The following ADAMTS12 variants were observed in gnomAD, a reference collection of about 807,000 sequenced individuals.
ADAMTS12 encodes A disintegrin and metalloproteinase with thrombospondin motifs 12.
A neutral mutation model predicts 167.8 loss-of-function variants in ADAMTS12; 118 were observed. That is an observed-to-expected ratio of 0.70 (90% CI 0.61 to 0.82). The LOEUF (loss-of-function observed/expected upper bound fraction) is 0.82. Among genes scored for constraint, ADAMTS12 ranks in the 40% least tolerant of loss-of-function variants. ADAMTS12 has a pLI of 0.00. For synonymous variants in ADAMTS12, 704 were observed against 716.9 expected, an observed-to-expected ratio of 0.98 and a Z score of 0.29; for missense variants, 1,916 against 1,998.8, an observed-to-expected ratio of 0.96 and a Z score of 0.79.
At chr5:33,884,894 A>T (rs565295286) in intron 1 of ADAMTS12, among the ~76,000 whole-genome samples, 1 of 152,294 alleles carries the variant, frequency 6.6e-6, no homozygotes, top group South Asian at 2.1e-4. Context: ...CTAGCAGATT[A>T]TTTTTTCCAA....
At chr5:33,641,649 TC>T (rs1325297491) in intron 11 of ADAMTS12, among the ~76,000 whole-genome samples, 160 bp downstream of exon 11, 3 of 152,286 alleles carry the variant, frequency 2.0e-5, no homozygotes, top group East Asian at 3.9e-4. Flanking sequence ...CCACTTTTTT[TC>T]CCCACTCTCT....
intron 5 of ADAMTS12, among the ~76,000 whole-genome samples, chr5:33,676,281 GT>G (rs1210821674): frequency 1.3e-5 from 2 of 152,098 alleles, no homozygotes; most frequent in African/African-American, 2.4e-5. Context: ...AGAAAATCTT[GT>G]ATTGATTTCT....
chr5:33,879,827 G>C (rs1020299905), intron 2 of ADAMTS12, among the ~76,000 whole-genome samples: 1 of 152,152 alleles, frequency 6.6e-6, no homozygotes, highest in Non-Finnish European at 1.5e-5. Flanking sequence ...AAGATAAACA[G>C]AGCCCTAAAT....
At chr5:33,839,421 T>C (rs59734427) in intron 2 of ADAMTS12, among the ~76,000 whole-genome samples, 2,686 of 152,350 alleles carry the variant, frequency 0.018, 81 homozygotes, top group African/African-American at 0.061. Context: ...AGTCATTTTA[T>C]TGTCACGCTA....
At chr5:33,556,925 G>A (rs557298511) in intron 20 of ADAMTS12, among the ~76,000 whole-genome samples, 1 of 152,322 alleles carries the variant, frequency 6.6e-6, no homozygotes, top group South Asian at 2.1e-4. Context: ...TCTTTCACCA[G>A]CCTGTGGCCC....
intron 7 of ADAMTS12, among the ~76,000 whole-genome samples, chr5:33,657,768 A>G (rs1403758577): frequency 6.6e-6 from 1 of 152,216 alleles, no homozygotes; most frequent in Non-Finnish European, 1.5e-5. Context: ...CAATGATGCA[A>G]TGAAAAGCAC....
chr5:33,797,011 T>A (rs1157559646), intron 2 of ADAMTS12, among the ~76,000 whole-genome samples: 1 of 152,146 alleles, frequency 6.6e-6, no homozygotes, highest in African/African-American at 2.4e-5. Context: ...ATGTCCAAAT[T>A]GAAAGGCAAA....
intron 9 of ADAMTS12, among the ~76,000 whole-genome samples, chr5:33,648,080 T>C (rs1740743423): frequency 6.6e-6 from 1 of 152,234 alleles, no homozygotes; most frequent in East Asian, 1.9e-4. Flanking sequence ...ATGTGTGTGT[T>C]AACACAGATA....
In ADAMTS12 at chr5:33,697,465, C is replaced by T. The variant is rs527357452; in HGVS notation, c.635-13410G>A. Among the ~76,000 whole-genome samples, 9 of 152,306 alleles carry T rather than the reference C, an allele frequency of 5.9e-5. No individual in the cohort carries two copies. In the South Asian group the frequency reaches 1.7e-3, roughly 28 times the overall value. On this transcript the variant is annotated intron_variant, in intron 3 of 23. Coordinates refer to ENST00000504830, the MANE Select transcript of ADAMTS12 (RefSeq NM_030955.4). ...AAGCAACTTTACTGCCATTAAGGGACTCATTATCTAGAGAAACAGATTGTG... is the reference window on the plus strand; with the variant it reads ...AAGCAACTTTACTGCCATTAAGGGATTCATTATCTAGAGAAACAGATTGTG...
chr5:33,749,084 A>G (rs989749982), intron 3 of ADAMTS12, among the ~76,000 whole-genome samples: 3 of 152,172 alleles, frequency 2.0e-5, no homozygotes, highest in Non-Finnish European at 4.4e-5. Context: ...AGTGACATAT[A>G]TATTAGACAC....
chr5:33,544,068 A>T (rs1413085960), intron 22 of ADAMTS12, among the ~76,000 whole-genome samples: 2 of 152,232 alleles, frequency 1.3e-5, no homozygotes, highest in African/African-American at 4.8e-5. Flanking sequence ...GAGTAAGTCA[A>T]ATTGTCCCTG....
intron 22 of ADAMTS12, among the ~76,000 whole-genome samples, chr5:33,535,853 T>C (rs1744375463): frequency 6.6e-6 from 1 of 151,748 alleles, no homozygotes; most frequent in African/African-American, 2.4e-5. Context: ...GAATGTGGAA[T>C]GGGGGTAGGG....
intron 2 of ADAMTS12, chr5:33,880,856 C>A: frequency 2.3e-6 from 1 of 438,842 alleles, no homozygotes; most frequent in Non-Finnish European, 4.0e-6. Context: ...CTTCTTCCCC[C>A]TCCAACCCCA....
At chr5:33,834,564 G>A (rs1748435356) in intron 2 of ADAMTS12, among the ~76,000 whole-genome samples, 2 of 152,122 alleles carry the variant, frequency 1.3e-5, no homozygotes, top group African/African-American at 4.8e-5. Flanking sequence ...TGAACTCTTA[G>A]CTTGCATTCC....
intron 2 of ADAMTS12, among the ~76,000 whole-genome samples, chr5:33,829,315 C>T (rs1748210387): frequency 6.6e-6 from 1 of 152,176 alleles, no homozygotes; most frequent in Non-Finnish European, 1.5e-5. Context: ...ACTAGCAAAG[C>T]TTCATCCAGA....
intron 3 of ADAMTS12, among the ~76,000 whole-genome samples, chr5:33,687,862 T>C (rs1422017321): frequency 8.5e-5 from 13 of 152,196 alleles, no homozygotes; most frequent in Admixed American, 8.5e-4. Flanking sequence ...CAAAGACAGC[T>C]AGTTCTTTGG....
chr5:33,785,991 G>A (rs1451407679), intron 2 of ADAMTS12, among the ~76,000 whole-genome samples: 1 of 152,086 alleles, frequency 6.6e-6, no homozygotes, highest in Non-Finnish European at 1.5e-5. Flanking sequence ...CAATGAAAAG[G>A]AACAAACTGT....
intron 2 of ADAMTS12, among the ~76,000 whole-genome samples, chr5:33,849,548 A>ACTGCATAGCAATACACATG (rs1749124652): frequency 1.4e-5 from 2 of 140,486 alleles, no homozygotes; most frequent in Non-Finnish European, 3.1e-5. Flanking sequence ...ATATACATAT[A>ACTGCATAGCAATACACATG]TGTACTGCAT....
At chr5:33,827,746 GA>G (rs1748141191) in intron 2 of ADAMTS12, among the ~76,000 whole-genome samples, 1 of 151,478 alleles carries the variant, frequency 6.6e-6, no homozygotes, top group Non-Finnish European at 1.5e-5. Context: ...TAGATAGATA[GA>G]TAGATAGATA....
Sources: gnomAD v4.1 joint callset for allele counts (sites outside exome capture counted in the v4.1 genomes callset) on GRCh38, gnomAD v4.1.1 for gene constraint, MANE v1.5 for transcripts, NCBI Gene and HGNC (gene_info 2026-07-23, HGNC 2026-07-21) for gene names.